RYR2: variants seen among roughly 807,000 people sequenced by gnomAD.
RYR2 encodes the protein cardiac muscle ryanodine receptor-calcium release channel.
A neutral mutation model predicts 601.1 loss-of-function variants in RYR2; 227 were observed. The ratio of observed to expected loss-of-function variants is 0.38; its 90% CI spans 0.34 to 0.42. The LOEUF (loss-of-function observed/expected upper bound fraction) is 0.42. Ranked by LOEUF, RYR2 falls within the 10% of genes least tolerant of loss-of-function variation. The pLI is 1.00. For synonymous variants in RYR2, 2,223 were observed against 2,175.1 expected, an observed-to-expected ratio of 1.02 and a Z score of -0.61; for missense variants, 4,646 against 6,156.5, an observed-to-expected ratio of 0.75 and a Z score of 8.21.
rs550633112 is a variant in RYR2, at chr1:237,627,839, G to A, written c.6199G>A (p.Val2067Ile). 6.2e-7 allele frequency: 1 copy of A among 1,610,576 alleles called. No individual in the cohort carries two copies. The highest frequency in any genetic ancestry group is 1.3e-5 in the African/African-American group (1 of 74,984). The part of the protein sequence containing the change: ...TLQQLISETM[V>I]RWAQESVIED... ...GCAGCAGCTGATTTCTGAGACCATG[G>A]TCCGATGGGCTCAGGAGTCTGTCAT... is the stretch of plus-strand genomic sequence containing the variant. Residue 2067 changes from valine (V) to isoleucine (I), a missense_variant, in exon 41 of 105, where the codon GTC (valine) becomes ATC (isoleucine). By Grantham distance (29) the Val-to-Ile change is conservative. Coordinates refer to ENST00000366574, the MANE Select transcript of RYR2 (RefSeq NM_001035.3).
At chr1:237,665,228 G>GT (rs1684200215) in intron 56 of RYR2, among the ~76,000 whole-genome samples, 1 of 151,762 alleles carries the variant, frequency 6.6e-6, no homozygotes, top group Admixed American at 6.6e-5. Context: ...GTGAAACCCC[G>GT]TCTCTACTAA....
chr1:237,209,593 C>T (rs1682342621), intron 1 of RYR2, among the ~76,000 whole-genome samples: 1 of 151,326 alleles, frequency 6.6e-6, no homozygotes, highest in Non-Finnish European at 1.5e-5. Flanking sequence ...TGGCTTCTGC[C>T]TGTAATCCCA....
chr1:237,090,861 G>T (rs1463917238), intron 1 of RYR2, among the ~76,000 whole-genome samples: 1 of 152,188 alleles, frequency 6.6e-6, no homozygotes, highest in Non-Finnish European at 1.5e-5. Context: ...AAGAAGGTTG[G>T]CATGAAAGTT....
At chr1:237,328,779 T>G (rs1696410927) in intron 2 of RYR2, among the ~76,000 whole-genome samples, 1 of 152,212 alleles carries the variant, frequency 6.6e-6, no homozygotes, top group Admixed American at 6.5e-5. Context: ...TATGCTGTGA[T>G]GAAAAATCAT....
chr1:237,139,685 T>C (rs1290237293), intron 1 of RYR2, among the ~76,000 whole-genome samples: 1 of 152,226 alleles, frequency 6.6e-6, no homozygotes, highest in Non-Finnish European at 1.5e-5. Flanking sequence ...CTACACTGTT[T>C]ATGACTAGAG....
intron 27 of RYR2, among the ~76,000 whole-genome samples, chr1:237,562,845 A>G (rs1018961079): frequency 6.6e-6 from 1 of 152,058 alleles, no homozygotes; most frequent in East Asian, 1.9e-4. Context: ...CCCATTAGCT[A>G]TTTGTCTGGG....
At chr1:237,733,340 A>T (rs981985134) in intron 78 of RYR2, among the ~76,000 whole-genome samples, 6 of 152,186 alleles carry the variant, frequency 3.9e-5, no homozygotes, top group Non-Finnish European at 7.3e-5. Context: ...TTTCCATCAA[A>T]TGTCAAATTT....
chr1:237,487,678 A>G (rs1304601015), intron 17 of RYR2, among the ~76,000 whole-genome samples: 1 of 151,518 alleles, frequency 6.6e-6, no homozygotes, highest in Non-Finnish European at 1.5e-5. Flanking sequence ...GGCTGCAGTG[A>G]GCTATAATCG....
At chr1:237,814,448 T>TGA (rs897221090) in intron 100 of RYR2, among the ~76,000 whole-genome samples, 11 of 152,298 alleles carry the variant, frequency 7.2e-5, no homozygotes, top group African/African-American at 2.4e-4. Flanking sequence ...TCTGTGGCTC[T>TGA]GAGAGAACAT....
chr1:237,570,290 T>G (rs555060454), intron 29 of RYR2, among the ~76,000 whole-genome samples: 1 of 151,870 alleles, frequency 6.6e-6, no homozygotes, highest in Non-Finnish European at 1.5e-5. Flanking sequence ...GCACTCCCAA[T>G]TTGGTGGCCT....
At chr1:237,181,941 G>GA (rs1678807459) in intron 1 of RYR2, among the ~76,000 whole-genome samples, 2 of 152,300 alleles carry the variant, frequency 1.3e-5, no homozygotes, top group South Asian at 4.1e-4. Context: ...ACCATTGCCA[G>GA]AACGAGTACG....
intron 100 of RYR2, among the ~76,000 whole-genome samples, chr1:237,816,029 T>G (rs1661784731): frequency 6.6e-6 from 1 of 152,098 alleles, no homozygotes; most frequent in Non-Finnish European, 1.5e-5. Context: ...TGGGCAATCT[T>G]AGCCACTAGT....
chr1:237,238,308 T>C (rs953508313), intron 1 of RYR2, among the ~76,000 whole-genome samples: 3 of 152,126 alleles, frequency 2.0e-5, no homozygotes, highest in African/African-American at 7.2e-5. Context: ...TGAGTCCACC[T>C]ATGACCTGGA....
At position 237,727,171 on chromosome 1, in the gene RYR2, C is replaced by T. The variant is rs1270634022; in HGVS notation, c.10810C>T (p.Arg3604Trp). ...QRKRAVVACFRMAPLYNLPRH... is the reference protein window; with the variant it reads ...QRKRAVVACFWMAPLYNLPRH... ...GAAAAGGGCTGTTGTAGCCTGCTTC[C>T]GGATGGCCCCCTTATATAATCTGCC... Residue 3604 changes from arginine to tryptophan, a missense_variant, in exon 76 of 105, where the codon CGG (arginine) becomes TGG (tryptophan). By Grantham distance (101) the Arg-to-Trp change is moderately radical. Around this residue, in one of 17 missense-constraint regions of RYR2, gnomAD observed 1,497 missense variants for 1,842.6 expected, o/e 0.81. Transcript: ENST00000366574. 1.9e-6 allele frequency: 3 copies of T among 1,572,304 alleles called. No individual in the cohort carries two copies. Among genetic ancestry groups the T allele is most frequent in the Admixed American group, 1.8e-5 (1 of 54,898 alleles).
At chr1:237,065,280 T>C (rs1663434309) in intron 1 of RYR2, among the ~76,000 whole-genome samples, 1 of 41,818 alleles carries the variant, frequency 2.4e-5, no homozygotes, top group African/African-American at 7.2e-5. Context: ...TTTTTTTTTT[T>C]TTTTTTTTTT....
intron 1 of RYR2, among the ~76,000 whole-genome samples, chr1:237,050,753 T>C (rs1661157482): frequency 1.3e-5 from 2 of 152,202 alleles, no homozygotes; most frequent in South Asian, 4.1e-4. Context: ...GGAAAAATGA[T>C]ATCCTTAGTC....
chr1:237,404,124 T>G (rs1347738871), intron 10 of RYR2, among the ~76,000 whole-genome samples: 1 of 152,106 alleles, frequency 6.6e-6, no homozygotes. Context: ...CCTGGTGGCA[T>G]GCACCTGTAG....
At chr1:237,711,900 T>C (rs1688873243) in intron 71 of RYR2, 63 bp downstream of exon 71, 3 of 391,060 alleles carry the variant, frequency 7.7e-6, no homozygotes, top group East Asian at 1.1e-4. Context: ...ATGAATTGAC[T>C]TTTTTTTTTT....
intron 1 of RYR2, among the ~76,000 whole-genome samples, chr1:237,048,385 G>A (rs1430695161): frequency 6.6e-6 from 1 of 151,838 alleles, no homozygotes; most frequent in Non-Finnish European, 1.5e-5. Flanking sequence ...TACTCCGTTA[G>A]CTTCTTGTTC....
Sources: allele counts gnomAD v4.1 joint callset (sites outside exome capture counted in the v4.1 genomes callset), GRCh38; gene constraint gnomAD v4.1.1; regional missense constraint gnomAD v4.1.1; transcripts MANE v1.5; gene names NCBI Gene and HGNC (gene_info 2026-07-23, HGNC 2026-07-21).